The following DCDC1 variants were observed in gnomAD, a reference collection of about 807,000 sequenced individuals.
DCDC1 encodes doublecortin domain-containing protein 1.
DCDC1 carries 200 observed loss-of-function variants against 178.3 expected under a neutral mutation model. The ratio of observed to expected loss-of-function variants is 1.12; its 90% confidence interval spans 1.00 to 1.26. The LOEUF (loss-of-function observed/expected upper bound fraction) is 1.26. DCDC1 is among the 50% of genes most tolerant of loss of function. The probability of loss-of-function intolerance (pLI) is 0.00; values close to 1 mark genes in which losing one functional copy is unlikely to be tolerated. For synonymous variants in DCDC1, 690 were observed against 604.8 expected (o/e 1.14, Z -2.07); for missense variants, 1,983 against 1,749.2 (o/e 1.13, Z -2.38).
intron 20 of DCDC1, among the ~76,000 whole-genome samples, chr11:31,046,348 C>T (rs999151141): frequency 6.6e-6 from 1 of 151,846 alleles, no homozygotes; most frequent in African/African-American, 2.4e-5. Context: ...AGCCTTTCTG[C>T]TTGTAAATAT....
intron 1 of DCDC1, among the ~76,000 whole-genome samples, chr11:31,352,330 G>A (rs1591834426): frequency 1.3e-5 from 2 of 152,212 alleles, no homozygotes; most frequent in East Asian, 3.9e-4. Flanking sequence ...TTATTAAAGA[G>A]AAATCGTTTA....
intron 20 of DCDC1, among the ~76,000 whole-genome samples, chr11:31,026,174 C>G (rs922995784): frequency 6.6e-6 from 1 of 151,546 alleles, no homozygotes; most frequent in African/African-American, 2.4e-5. Flanking sequence ...CTCTGTTATC[C>G]CTTTAGACAA....
chr11:30,899,596 CT>C lies in DCDC1; in HGVS notation c.4709del (p.Lys1570ArgfsTer8). ...EKLEKQNWLKKDRILADLDTM... is the reference protein window; with the variant it reads ...EKLEKQNWLKXDRILADLDTM... ...TATCTAGATCAGCCAAAATTCTGTC[CT>C]TTTTTAGCCAGTTCTGTTTCTCTAA... On this transcript the variant is annotated frameshift_variant, in exon 34 of 39. Coordinates refer to ENST00000684477, the MANE Select transcript of DCDC1 (RefSeq NM_001387274.1). LOFTEE classifies it high-confidence loss of function. 6.3e-7 allele frequency: 1 copy of C among 1,578,474 alleles called. No individual in the cohort carries two copies.
At chr11:31,008,229 T>C (rs1476078493) in intron 20 of DCDC1, among the ~76,000 whole-genome samples, 1 of 151,994 alleles carries the variant, frequency 6.6e-6, no homozygotes, top group Admixed American at 6.6e-5. Flanking sequence ...ACATAAAACC[T>C]TAGGAAGGAA....
chr11:31,353,851 G>A (rs888760872), intron 1 of DCDC1, among the ~76,000 whole-genome samples: 5 of 152,260 alleles, frequency 3.3e-5, no homozygotes, highest in Admixed American at 1.3e-4. Context: ...TCAATTTACA[G>A]AGCCTAGTGT....
At chr11:30,871,386 G>A (rs760357726) in intron 38 of DCDC1, among the ~76,000 whole-genome samples, 5 of 152,084 alleles carry the variant, frequency 3.3e-5, no homozygotes, top group Non-Finnish European at 5.9e-5. Context: ...CTGTTTTCTG[G>A]GCTTTCCTGT....
chr11:31,296,153 G>A (rs1947671490), intron 6 of DCDC1, among the ~76,000 whole-genome samples: 1 of 152,150 alleles, frequency 6.6e-6, no homozygotes, highest in Non-Finnish European at 1.5e-5. Flanking sequence ...ACAAATACTT[G>A]TTGAGTGTAT....
At chr11:30,906,416 G>A in intron 30 of DCDC1, 124 bp downstream of exon 30, 1 of 936,746 alleles carries the variant, frequency 1.1e-6, no homozygotes, top group Non-Finnish European at 1.6e-6. Flanking sequence ...AATGGTAAAG[G>A]TGCATCTGAG....
At chr11:30,914,988 G>T (rs941656968) in intron 27 of DCDC1, among the ~76,000 whole-genome samples, 1 of 152,006 alleles carries the variant, frequency 6.6e-6, no homozygotes, top group Non-Finnish European at 1.5e-5. Context: ...GTTCAAATTT[G>T]GATCCAGGAC....
At chr11:30,926,297 C>G (rs1300773210) in intron 22 of DCDC1, among the ~76,000 whole-genome samples, 1 of 152,078 alleles carries the variant, frequency 6.6e-6, no homozygotes, top group Non-Finnish European at 1.5e-5. Context: ...CCAGATGAAA[C>G]TGAAAAAGAA....
intron 15 of DCDC1, among the ~76,000 whole-genome samples, chr11:31,099,996 C>T (rs1488442514): frequency 6.6e-6 from 1 of 152,074 alleles, no homozygotes; most frequent in Non-Finnish European, 1.5e-5. Flanking sequence ...GGATTACAGG[C>T]GTGAGCCACT....
intron 20 of DCDC1, among the ~76,000 whole-genome samples, chr11:31,028,510 T>C (rs1953405744): frequency 6.6e-6 from 1 of 151,970 alleles, no homozygotes; most frequent in African/African-American, 2.4e-5. Flanking sequence ...AATTATTTAG[T>C]AGCCTTTAAA....
intron 20 of DCDC1, among the ~76,000 whole-genome samples, chr11:30,997,931 T>C (rs1008485518): frequency 2.0e-5 from 3 of 152,024 alleles, no homozygotes; most frequent in Admixed American, 6.6e-5. Flanking sequence ...GATTCTATAT[T>C]GCAGCAAGGA....
At chr11:31,307,467 T>G in intron 4 of DCDC1, 172 bp downstream of exon 4, 1 of 767,962 alleles carries the variant, frequency 1.3e-6, no homozygotes, top group African/African-American at 1.8e-5. Flanking sequence ...CACAGTGTAA[T>G]TAACAACATT....
At chr11:30,873,362 T>TAGAGAGAGAGAGAGAGAG (rs1220218244) in intron 38 of DCDC1, among the ~76,000 whole-genome samples, 3 of 138,058 alleles carry the variant, frequency 2.2e-5, no homozygotes, top group Admixed American at 7.4e-5. Context: ...TATATATATA[T>TAGAGAGAGAGAGAGAGAG]ATAGAGAGAG....
intron 38 of DCDC1, 118 bp from the exon 39 acceptor site, chr11:30,865,450 G>GA (rs1940898536): frequency 6.5e-6 from 1 of 153,190 alleles, no homozygotes; most frequent in Non-Finnish European, 1.5e-5. Context: ...ATTTGCTATT[G>GA]AAAAAATTAT....
chr11:31,284,830 G>A (rs538096171), intron 7 of DCDC1, among the ~76,000 whole-genome samples: 1 of 151,718 alleles, frequency 6.6e-6, no homozygotes, highest in East Asian at 1.9e-4. Flanking sequence ...GTAGAGACAG[G>A]GTTTCACCAT....
At chr11:31,267,599 G>T (rs1249420169) in intron 7 of DCDC1, among the ~76,000 whole-genome samples, 1 of 152,214 alleles carries the variant, frequency 6.6e-6, no homozygotes, top group East Asian at 1.9e-4. Flanking sequence ...CAACCCTGGT[G>T]ATTCTCTAAA....
At chr11:31,315,145 A>T (rs927169277) in intron 3 of DCDC1, among the ~76,000 whole-genome samples, 5 of 152,080 alleles carry the variant, frequency 3.3e-5, no homozygotes, top group Non-Finnish European at 7.4e-5. Flanking sequence ...AGTAAACCTT[A>T]GTGACTTTTT....
Sources: allele counts gnomAD v4.1 joint callset (sites outside exome capture counted in the v4.1 genomes callset), GRCh38; gene constraint gnomAD v4.1.1; transcripts MANE v1.5; gene names NCBI Gene and HGNC (gene_info 2026-07-23, HGNC 2026-07-21).